The following TRAPPC9 variants were observed in gnomAD, a reference collection of about 807,000 sequenced individuals.
TRAPPC9 encodes the protein trafficking protein particle complex subunit 9.
TRAPPC9 carries 83 observed loss-of-function variants against 124.0 expected under a neutral mutation model. The ratio of observed to expected loss-of-function variants is 0.67; its 90% CI spans 0.56 to 0.80. The LOEUF (loss-of-function observed/expected upper bound fraction) is 0.80. Among genes scored for constraint, TRAPPC9 ranks in the 30% least tolerant of loss-of-function variants. The pLI is 0.00. For synonymous variants in TRAPPC9, 638 were observed against 617.5 expected (o/e 1.03, Z -0.49); for missense variants, 1,302 against 1,508.3 (o/e 0.86, Z 2.27).
In TRAPPC9 at chr8:139,984,292, T is replaced by C. The variant is rs1837098099; in HGVS notation, c.2810+4434A>G. 6.6e-6 allele frequency among the ~76,000 whole-genome samples: 1 copy of C among 152,304 alleles called. No individual in the cohort carries two copies. Among genetic ancestry groups the C allele is most frequent in the South Asian group, 2.1e-4 (1 of 4,824 alleles). ...TCTGTGCACCTGCCTCCCTCCCAGG[T>C]AGCAGTGAGAGCACCACCTTCCGCT... On this transcript the variant is annotated intron_variant, in intron 19 of 22. Coordinates refer to ENST00000438773, the MANE Select transcript of TRAPPC9 (RefSeq NM_001160372.4). The surrounding 1 kb of genome is among the most constrained non-coding windows in gnomAD (Gnocchi z 4.3).
chr8:139,882,797 T>C (rs1328509363), intron 21 of TRAPPC9, among the ~76,000 whole-genome samples: 1 of 152,084 alleles, frequency 6.6e-6, no homozygotes, highest in African/African-American at 2.4e-5. Context: ...TCCCATTCCA[T>C]AAAGGAAGAA....
intron 19 of TRAPPC9, among the ~76,000 whole-genome samples, chr8:139,939,443 G>A (rs1450056030): frequency 6.6e-6 from 1 of 152,200 alleles, no homozygotes; most frequent in Non-Finnish European, 1.5e-5. Context: ...GGTCCAGCAC[G>A]CCGCATGGGG....
At chr8:140,221,100 C>A (rs1458284179) in intron 17 of TRAPPC9, among the ~76,000 whole-genome samples, 1 of 152,120 alleles carries the variant, frequency 6.6e-6, no homozygotes, top group East Asian at 1.9e-4. Context: ...GGAAGGGTTG[C>A]CAAAAGATTA....
intron 11 of TRAPPC9, among the ~76,000 whole-genome samples, chr8:140,295,386 C>T (rs2065778078): frequency 6.6e-6 from 1 of 152,216 alleles, no homozygotes; most frequent in South Asian, 2.1e-4. Context: ...CAGCTGTCCA[C>T]GGTCACACAG....
At position 140,241,916 on chromosome 8, in the gene TRAPPC9, A is replaced by T. The variant is rs540047093; in HGVS notation, c.2431+10861T>A. Among the ~76,000 whole-genome samples the T allele has an allele frequency of 1.1e-4, 16 of 152,252 alleles. No individual in the cohort carries two copies. The South Asian group carries it at 3.1e-3, about 30-fold the overall frequency. ...TGCATACTGGGAAAGGAGAGAGCACACGGCAGCTACGTGGGAGACTCAGGG... is the reference window on the plus strand; with the variant it reads ...TGCATACTGGGAAAGGAGAGAGCACTCGGCAGCTACGTGGGAGACTCAGGG... On this transcript the variant is annotated intron_variant, in intron 16 of 22. Transcript: ENST00000438773. The surrounding 1 kb of genome is among the most constrained non-coding windows in gnomAD (Gnocchi z 5.0).
chr8:140,187,081 G>A (rs914876118), intron 17 of TRAPPC9, among the ~76,000 whole-genome samples: 10 of 152,142 alleles, frequency 6.6e-5, no homozygotes, highest in Non-Finnish European at 1.0e-4. Context: ...AAAAGATTTG[G>A]GATTTCTTCA....
rs35028992 is a variant in TRAPPC9, at chr8:139,971,738, CAT to C, written c.2810+16986_2810+16987del. 1.1e-3 allele frequency among the ~76,000 whole-genome samples: 43 copies of C among 38,428 alleles called. 1 individual carries two copies. The highest frequency in any genetic ancestry group is 4.5e-3 in the East Asian group (2 of 448). 25.2% of individuals were successfully genotyped at this position (38,428 alleles called of 152,430 possible). ...ATATATATATACACACACACACACA[CAT>C]ATATATATACACACACACACACACA... On this transcript the variant is annotated intron_variant, in intron 19 of 22. Transcript: ENST00000438773.
At chr8:140,144,185 A>T (rs1200405098) in intron 17 of TRAPPC9, among the ~76,000 whole-genome samples, 2 of 152,208 alleles carry the variant, frequency 1.3e-5, no homozygotes, top group African/African-American at 4.8e-5. Flanking sequence ...CTTCTAGTAT[A>T]TGAATTCTAA....
intron 9 of TRAPPC9, among the ~76,000 whole-genome samples, chr8:140,357,172 T>G (rs193096152): frequency 1.3e-5 from 2 of 149,084 alleles, no homozygotes; most frequent in East Asian, 2.0e-4. Flanking sequence ...AGGCCCAGAG[T>G]CCCTGGTCTA....
chr8:140,457,484 G>A (rs1227923989), intron 1 of TRAPPC9, among the ~76,000 whole-genome samples, 155 bp downstream of exon 1: 2 of 152,202 alleles, frequency 1.3e-5, no homozygotes. Flanking sequence ...CCCCGGCCCG[G>A]CAGCGGACCC....
intron 16 of TRAPPC9, among the ~76,000 whole-genome samples, chr8:140,242,315 G>A (rs1053756355): frequency 2.0e-5 from 3 of 152,222 alleles, no homozygotes; most frequent in Non-Finnish European, 1.5e-5. Flanking sequence ...TGAAGGCTCA[G>A]ATAAAACGTG....
chr8:139,796,098 AGGAGGAGGAAGAGGAGGAG>A (rs1278666636), intron 21 of TRAPPC9, among the ~76,000 whole-genome samples: 17 of 133,522 alleles, frequency 1.3e-4, no homozygotes, highest in African/African-American at 4.8e-4. Context: ...GAGGAGGAAG[AGGAGGAGGAAGAGGAGGAG>A]GGAGGAGGAA....
intron 21 of TRAPPC9, among the ~76,000 whole-genome samples, chr8:139,814,803 T>C (rs943392707): frequency 2.6e-5 from 4 of 152,166 alleles, no homozygotes; most frequent in Non-Finnish European, 5.9e-5. Flanking sequence ...TCCCAGAAGG[T>C]GCCAAAGACA....
rs181244046 is a variant in TRAPPC9 at position 140,296,455 on chromosome 8, G to A, written c.1768+4014C>T. ...ATTTTTTTGTATTTTGTGTAGAGAT[G>A]GGGTTTTGCCATGTTGGCCAGGCTG... On this transcript the variant is annotated intron_variant, in intron 11 of 22. Transcript: ENST00000438773. Among the ~76,000 whole-genome samples, 36 of 152,078 alleles carry A rather than the reference G, an allele frequency of 2.4e-4. No individual in the cohort carries two copies. In the East Asian group the frequency reaches 5.8e-3, roughly 25 times the overall value.
chr8:140,291,328 T>C (rs1401145057), intron 11 of TRAPPC9: 1 of 562,460 alleles, frequency 1.8e-6, no homozygotes, highest in Non-Finnish European at 3.2e-6. Flanking sequence ...GCTGCATTCA[T>C]GCTGGCATCA....
intron 17 of TRAPPC9, among the ~76,000 whole-genome samples, chr8:140,219,960 A>G (rs1310011092): frequency 6.6e-6 from 1 of 152,220 alleles, no homozygotes; most frequent in Non-Finnish European, 1.5e-5. Flanking sequence ...GCTGAACTGA[A>G]GCATTTCAGC....
chr8:140,392,583 C>A (rs768205575), intron 7 of TRAPPC9, among the ~76,000 whole-genome samples: 12 of 152,218 alleles, frequency 7.9e-5, no homozygotes, highest in Non-Finnish European at 1.8e-4. Flanking sequence ...GCCCGCTGAA[C>A]GCTCAAGGCT....
At chr8:140,068,093 G>A (rs1051346951) in intron 17 of TRAPPC9, among the ~76,000 whole-genome samples, 2 of 152,128 alleles carry the variant, frequency 1.3e-5, no homozygotes, top group African/African-American at 2.4e-5. Context: ...GACCTCGTGT[G>A]GGAATTGTCA....
intron 17 of TRAPPC9, among the ~76,000 whole-genome samples, chr8:140,054,783 T>C (rs1248759758): frequency 1.3e-5 from 2 of 151,524 alleles, no homozygotes; most frequent in Admixed American, 1.3e-4. Flanking sequence ...AACAACAAAT[T>C]GAATAACCTA....
Sources: allele counts gnomAD v4.1 joint callset (sites outside exome capture counted in the v4.1 genomes callset), GRCh38; gene constraint gnomAD v4.1.1; non-coding constraint Gnocchi (gnomAD v3.1); transcripts MANE v1.5; gene names NCBI Gene and HGNC (gene_info 2026-07-23, HGNC 2026-07-21).